Variants in ICA1 observed in about 807,000 individuals in gnomAD.
ICA1 encodes the protein 69 kDa islet cell autoantigen.
In ICA1, 40 loss-of-function variants were observed where a neutral mutation model predicts 71.0. The ratio of observed to expected loss-of-function variants is 0.56; its 90% CI spans 0.44 to 0.73. The LOEUF is 0.73. Among genes scored for constraint, ICA1 ranks in the 30% least tolerant of loss-of-function variants. The pLI is 0.00. For synonymous variants in ICA1, 207 were observed against 209.5 expected (o/e 0.99, Z 0.10); for missense variants, 578 against 576.5 (o/e 1.00, Z -0.03).
At chr7:8,230,125 C>G (rs1799810879) in intron 3 of ICA1, among the ~76,000 whole-genome samples, 1 of 152,234 alleles carries the variant, frequency 6.6e-6, no homozygotes, top group South Asian at 2.1e-4. Flanking sequence ...GTCCACTCTG[C>G]TGTGGCACAG....
At chr7:8,250,721 T>C (rs1807873963) in intron 1 of ICA1, among the ~76,000 whole-genome samples, 1 of 152,166 alleles carries the variant, frequency 6.6e-6, no homozygotes, top group Non-Finnish European at 1.5e-5. Context: ...CAAGTAAATG[T>C]GAAATGGGAT....
At chr7:8,259,647 C>A (rs867427763) in intron 1 of ICA1, among the ~76,000 whole-genome samples, 2 of 152,128 alleles carry the variant, frequency 1.3e-5, no homozygotes, top group Admixed American at 6.5e-5. Flanking sequence ...GGTGGATATT[C>A]CTGTTCTGTA....
At chr7:8,160,664 C>G (rs892879213) in intron 6 of ICA1, among the ~76,000 whole-genome samples, 1 of 152,202 alleles carries the variant, frequency 6.6e-6, no homozygotes, top group Non-Finnish European at 1.5e-5. Context: ...GTGTCTATAG[C>G]TATGTCAAAA....
chr7:8,205,453 C>T (rs1583215927), intron 6 of ICA1, among the ~76,000 whole-genome samples: 1 of 152,148 alleles, frequency 6.6e-6, no homozygotes, highest in African/African-American at 2.4e-5. Flanking sequence ...TTAACACATA[C>T]ACTTTGTTAA....
rs555607734 is a variant in ICA1, at chr7:8,191,918, C to T, written c.579+26387G>A. ...AAAAGTTGCAAGAATTCTTTGTATG[C>T]CTGGATACCCTTCACCCAGATTCCC... On this transcript the variant is annotated intron_variant, in intron 6 of 13. Transcript: ENST00000402384. 9.9e-4 allele frequency among the ~76,000 whole-genome samples: 151 copies of T among 152,156 alleles called. 2 individuals carry two copies. The highest frequency in any genetic ancestry group is 3.5e-3 in the African/African-American group (144 of 41,520).
At chr7:8,253,959 A>G (rs561596286) in intron 1 of ICA1, among the ~76,000 whole-genome samples, 67 of 152,242 alleles carry the variant, frequency 4.4e-4, no homozygotes, top group Non-Finnish European at 8.5e-4. Flanking sequence ...ATAATCAGGG[A>G]GATGCTAATG....
In ICA1 at chr7:8,146,759, G is replaced by GTGTT. The variant is rs1319989906; in HGVS notation, c.805-2788_805-2787insAACA. On this transcript the variant is annotated intron_variant, in intron 8 of 13. Transcript: ENST00000402384. ...TGCGTGTGCGTGTGTGTGTGTGTGT[G>GTGTT]TGTGTTTAGTATATGTGCAGCCAGG... is the stretch of plus-strand genomic sequence containing the variant. 6.7e-3 allele frequency among the ~76,000 whole-genome samples: 1,010 copies of GTGTT among 150,770 alleles called. 41 individuals are homozygous for GTGTT. The South Asian group carries it at 0.087, about 13-fold the overall frequency.
intron 6 of ICA1, among the ~76,000 whole-genome samples, chr7:8,160,521 A>G (rs956042567): frequency 6.6e-6 from 1 of 152,202 alleles, no homozygotes; most frequent in African/African-American, 2.4e-5. Context: ...GAAAATCAAG[A>G]AGCTCAGAAT....
chr7:8,238,403 T>G (rs762727493), intron 1 of ICA1, among the ~76,000 whole-genome samples: 12 of 152,200 alleles, frequency 7.9e-5, no homozygotes, highest in Admixed American at 7.2e-4. Context: ...GTGCATCTTT[T>G]CATATTTTTT....
rs79586826 is a variant in ICA1, at chr7:8,153,618, A to T, written c.804+3498T>A. Among the ~76,000 whole-genome samples the T allele has an allele frequency of 2.8e-3, 425 of 152,266 alleles. 3 individuals carry two copies. The highest frequency in any genetic ancestry group is 1.0e-2 in the African/African-American group (414 of 41,532). On this transcript the variant is annotated intron_variant, in intron 8 of 13. Transcript: ENST00000402384. ...CAGTGTTGGTAATTTAAGATAGGGT[A>T]CTGCTCTCCTAACAAGACAGAATTT...
intron 1 of ICA1, among the ~76,000 whole-genome samples, chr7:8,255,365 T>C (rs1233153225): frequency 6.6e-6 from 1 of 152,224 alleles, no homozygotes; most frequent in Non-Finnish European, 1.5e-5. Flanking sequence ...CCTCTTCCTC[T>C]ACTTTTCAGG....
intron 4 of ICA1, among the ~76,000 whole-genome samples, chr7:8,227,161 G>A (rs947779437): frequency 6.6e-6 from 1 of 152,158 alleles, no homozygotes; most frequent in African/African-American, 2.4e-5. Context: ...GTAAGAAGGA[G>A]TTTGACCAAT....
intron 6 of ICA1, among the ~76,000 whole-genome samples, chr7:8,191,466 T>C (rs1189669567): frequency 2.0e-5 from 3 of 152,216 alleles, no homozygotes; most frequent in Admixed American, 1.3e-4. Flanking sequence ...CTGTGAAATA[T>C]TAAGCACTGT....
chr7:8,241,301 T>C lies in ICA1; in HGVS notation c.-79-5296A>G, dbSNP rs544100991. On this transcript the variant is annotated intron_variant, in intron 1 of 13. Transcript: ENST00000402384. ...AAAGAATTTTCAATCCAGAATTTCA[T>C]ATCCAGGCAAACTAAGCTTCATAAG... 1.5e-3 allele frequency among the ~76,000 whole-genome samples: 232 copies of C among 152,342 alleles called. 1 individual carries two copies. The highest frequency in any genetic ancestry group is 5.4e-3 in the African/African-American group (223 of 41,580).
At chr7:8,227,696 C>T (rs768579366) in intron 4 of ICA1, 1 of 420,174 alleles carries the variant, frequency 2.4e-6, no homozygotes, top group South Asian at 1.8e-5. Context: ...ATCCTCCTGC[C>T]TCAGCCTCCT....
intron 12 of ICA1, among the ~76,000 whole-genome samples, chr7:8,134,988 C>T (rs1264764116): frequency 6.6e-6 from 1 of 151,836 alleles, no homozygotes; most frequent in East Asian, 1.9e-4. Flanking sequence ...AAACATAAAA[C>T]CTAGGGCAGG....
chr7:8,184,266 G>A (rs1041521123), intron 6 of ICA1, among the ~76,000 whole-genome samples: 6 of 152,212 alleles, frequency 3.9e-5, no homozygotes, highest in African/African-American at 1.2e-4. Context: ...TCTCTGTAGA[G>A]TAATATGGAG....
intron 6 of ICA1, among the ~76,000 whole-genome samples, chr7:8,164,033 C>T (rs1562778799): frequency 6.6e-6 from 1 of 152,050 alleles, no homozygotes; most frequent in Non-Finnish European, 1.5e-5. Flanking sequence ...TTGGGCTGGG[C>T]TCAGTGGCTC....
intron 4 of ICA1, among the ~76,000 whole-genome samples, chr7:8,228,148 G>A (rs1436623326): frequency 6.6e-6 from 1 of 152,112 alleles, no homozygotes; most frequent in Non-Finnish European, 1.5e-5. Context: ...TGAAAATATT[G>A]TTCTGTAGGA....
Sources: gnomAD v4.1 joint callset for allele counts (sites outside exome capture counted in the v4.1 genomes callset) on GRCh38, gnomAD v4.1.1 for gene constraint, MANE v1.5 for transcripts, NCBI Gene and HGNC (gene_info 2026-07-23, HGNC 2026-07-21) for gene names.